FMNL3: variants seen among roughly 807,000 people sequenced by gnomAD.
The protein encoded by FMNL3 is formin like 3.
A neutral mutation model predicts 119.6 loss-of-function variants in FMNL3; 57 were observed. The observed-to-expected ratio is 0.48, with a 90% CI of 0.39 to 0.59. The LOEUF is 0.59. Ranked by LOEUF, FMNL3 falls within the 20% of genes least tolerant of loss-of-function variation. The probability of loss-of-function intolerance (pLI) is 0.00; values close to 1 mark genes in which losing one functional copy is unlikely to be tolerated. For synonymous variants in FMNL3, 491 were observed against 507.3 expected, an observed-to-expected ratio of 0.97 and a Z score of 0.43; for missense variants, 1,053 against 1,323.5, an observed-to-expected ratio of 0.80 and a Z score of 3.17.
chr12:49,667,301 G>T (rs1555220637), intron 2 of FMNL3, among the ~76,000 whole-genome samples: 1 of 152,130 alleles, frequency 6.6e-6, no homozygotes, highest in Non-Finnish European at 1.5e-5. Context: ...AGAAACAGCT[G>T]AAATTATCTG....
chr12:49,670,829 C>G (rs1405022430), intron 1 of FMNL3, among the ~76,000 whole-genome samples: 4 of 152,190 alleles, frequency 2.6e-5, no homozygotes, highest in African/African-American at 9.7e-5. Flanking sequence ...AGCAAGAGGC[C>G]TCAACAAAAC....
At chr12:49,686,185 G>A (rs1944453019) in intron 1 of FMNL3, among the ~76,000 whole-genome samples, 1 of 151,872 alleles carries the variant, frequency 6.6e-6, no homozygotes, top group Admixed American at 6.5e-5. Context: ...ATAGCGTACT[G>A]CAGCCTCAAT....
intron 1 of FMNL3, among the ~76,000 whole-genome samples, chr12:49,675,410 A>G (rs1340453918): frequency 6.6e-6 from 1 of 152,218 alleles, no homozygotes; most frequent in African/African-American, 2.4e-5. Context: ...GTCTTGGGGC[A>G]GAGCCTCGCA....
rs1428755026 is a variant in FMNL3, at chr12:49,640,207, T to A, written c.*5608A>T. 1.3e-5 allele frequency: 2 copies of A among 152,200 alleles called. No individual in the cohort carries two copies. Among genetic ancestry groups the A allele is most frequent in the East Asian group, 3.8e-4 (2 of 5,200 alleles). The allele number at this position is 152,200 out of a possible 1,614,324, so 9.4% of individuals were successfully genotyped here. On this transcript the variant is annotated 3_prime_UTR_variant, in exon 26 of 26. Transcript: ENST00000335154. ...CCTGGACTTAGAACAGGCAGACAGATCCGGGTCAGGGAGATCCATGGAGGA... is the reference window on the plus strand; with the variant it reads ...CCTGGACTTAGAACAGGCAGACAGAACCGGGTCAGGGAGATCCATGGAGGA...
chr12:49,653,261 G>C lies in FMNL3; in HGVS notation c.1288C>G (p.Leu430Val), dbSNP rs1232607897. 1 of 1,614,130 alleles carries C rather than the reference G, an allele frequency of 6.2e-7. No homozygotes were observed. Among genetic ancestry groups the C allele is most frequent in the Admixed American group, 1.7e-5 (1 of 60,022 alleles). ...TCTAGTTCCTTCTCCCGCTGTAGCAGCTGCTTCTCTAGTTCTGCCACCCGC... is the reference window on the plus strand; with the variant it reads ...TCTAGTTCCTTCTCCCGCTGTAGCACCTGCTTCTCTAGTTCTGCCACCCGC... ...MMRVAELEKQLLQREKELESI... is the reference protein window; with the variant it reads ...MMRVAELEKQVLQREKELESI... The change falls in exon 13 of 26, where the codon CTG becomes GTG. Residue 430 changes from leucine to valine, a missense_variant. By Grantham distance (32) the Leu-to-Val change is conservative (BLOSUM62 1). This residue lies in a region of FMNL3 where 445 missense variants were observed against 628.4 expected (regional missense o/e 0.71). Transcript: ENST00000335154.
In FMNL3 at chr12:49,636,728, A is replaced by C; in HGVS notation, c.*9087T>G. The C allele has an allele frequency of 6.2e-7, 1 of 1,614,184 alleles. No individual in the cohort carries two copies. The highest frequency in any genetic ancestry group is 8.5e-7 in the Non-Finnish European group (1 of 1,180,034). ...TGCCTGTCTTTAGACATGGACAAGG[A>C]AGATGCACTGATCTGTTTTGAGGAG... On this transcript the variant is annotated 3_prime_UTR_variant, in exon 26 of 26. Coordinates refer to ENST00000335154, the MANE Select transcript of FMNL3 (RefSeq NM_175736.5).
At position 49,645,042 on chromosome 12, in the gene FMNL3, G is replaced by A. The variant is rs893756831; in HGVS notation, c.*773C>T. 5 of 149,966 alleles carry A rather than the reference G, an allele frequency of 3.3e-5. No individual in the cohort carries two copies. Among genetic ancestry groups the A allele is most frequent in the Non-Finnish European group, 5.9e-5 (4 of 67,828 alleles). The allele number at this position is 149,966 out of a possible 1,614,324, so 9.3% of individuals were successfully genotyped here. ...AGTGGGCCCCCACATTCCCTTCCAG[G>A]GGCAGAGGAGAAACGGGAAGGTAAG... On this transcript the variant is annotated 3_prime_UTR_variant, in exon 26 of 26. Transcript: ENST00000335154.
intron 2 of FMNL3, 98 bp downstream of exon 2, chr12:49,668,373 C>T: frequency 1.8e-6 from 2 of 1,130,118 alleles, no homozygotes; most frequent in Non-Finnish European, 2.6e-6. Flanking sequence ...CAGGGTTCCT[C>T]AAGGAACCCA....
chr12:49,656,921 G>T (rs1392037827), intron 7 of FMNL3, 22 bp from the exon 8 acceptor site: 2 of 1,607,272 alleles, frequency 1.2e-6, no homozygotes, highest in South Asian at 2.2e-5. Context: ...AGGACAGAAG[G>T]AGGGGACCTT....
intron 1 of FMNL3, among the ~76,000 whole-genome samples, chr12:49,672,897 T>C (rs572509089): frequency 6.6e-6 from 1 of 152,196 alleles, no homozygotes; most frequent in East Asian, 1.9e-4. Flanking sequence ...TGTTGGTCCC[T>C]ATCATGATAA....
At chr12:49,679,890 G>T (rs2138940218) in intron 1 of FMNL3, among the ~76,000 whole-genome samples, 1 of 152,276 alleles carries the variant, frequency 6.6e-6, no homozygotes, top group South Asian at 2.1e-4. Flanking sequence ...GATAACTCTT[G>T]TATTTACAAA....
In FMNL3 at chr12:49,670,856, C is replaced by T. The variant is rs535898461; in HGVS notation, c.127-2302G>A. 3.3e-5 allele frequency among the ~76,000 whole-genome samples: 5 copies of T among 152,344 alleles called. No individual in the cohort carries two copies. In the South Asian group the frequency reaches 1.0e-3, roughly 32 times the overall value. On this transcript the variant is annotated intron_variant, in intron 1 of 25. Coordinates refer to ENST00000335154, the MANE Select transcript of FMNL3 (RefSeq NM_175736.5). Reference sequence around the variant, plus strand: ...CAACAAAACAAGGACTCAAGGTCAACCCAGAGTAGATCTCCTAACTCAGCC... The same window carrying T: ...CAACAAAACAAGGACTCAAGGTCAATCCAGAGTAGATCTCCTAACTCAGCC...
rs1943060402 is a variant in FMNL3, at chr12:49,644,369, C to T, written c.*1446G>A. The T allele has an allele frequency of 2.8e-6, 2 of 705,312 alleles. No individual in the cohort carries two copies. 43.7% of individuals were successfully genotyped at this position (705,312 alleles called of 1,614,324 possible). A position where few individuals can be genotyped will look rare whatever the true frequency, so the allele number is the denominator to read the frequency against. ...AGGTTGCTCTTGGTGTTCAAGGGTC[C>T]CCTACTCCCTGGACTAGTGCAGTCC... On this transcript the variant is annotated 3_prime_UTR_variant, in exon 26 of 26. Transcript: ENST00000335154.
At chr12:49,686,450 C>T (rs1339668627) in intron 1 of FMNL3, among the ~76,000 whole-genome samples, 4 of 151,658 alleles carry the variant, frequency 2.6e-5, no homozygotes, top group African/African-American at 2.4e-5. Flanking sequence ...TGGTGGCGGG[C>T]GCCTGTAGTC....
chr12:49,706,186 C>A (rs1182388976), intron 1 of FMNL3, among the ~76,000 whole-genome samples: 1 of 152,172 alleles, frequency 6.6e-6, no homozygotes, highest in South Asian at 2.1e-4. Context: ...CAGCTCAGAA[C>A]CTCTCGCTTC....
At position 49,642,745 on chromosome 12, in the gene FMNL3, C is replaced by T; in HGVS notation, c.*3070G>A. Reference sequence around the variant, plus strand: ...CATTAGACCAGTTCAACAGAGACCTCAGTGGCCTCCCTCTTACCCTTAGGG... The same window carrying T: ...CATTAGACCAGTTCAACAGAGACCTTAGTGGCCTCCCTCTTACCCTTAGGG... On this transcript the variant is annotated 3_prime_UTR_variant, in exon 26 of 26. Coordinates refer to ENST00000335154, the MANE Select transcript of FMNL3 (RefSeq NM_175736.5). This position sits in a 1 kb window ranked among gnomAD's most constrained non-coding sequence, Gnocchi z 5.8. 6.6e-7 allele frequency: 1 copy of T among 1,525,112 alleles called. No homozygotes were observed. Among genetic ancestry groups the T allele is most frequent in the Middle Eastern group, 1.7e-4 (1 of 5,908 alleles). The allele number at this position is 1,525,112 out of a possible 1,614,324, so 94.5% of individuals were successfully genotyped here. A position where few individuals can be genotyped will look rare whatever the true frequency, so the allele number is the denominator to read the frequency against.
intron 10 of FMNL3, 125 bp from the exon 11 acceptor site, chr12:49,654,427 G>GTTAAGT: frequency 1.5e-6 from 1 of 688,130 alleles, no homozygotes; most frequent in South Asian, 1.8e-5. Flanking sequence ...CAATTAAAGA[G>GTTAAGT]TTAAGTCTTT....
At chr12:49,683,056 T>A (rs1944376042) in intron 1 of FMNL3, among the ~76,000 whole-genome samples, 1 of 152,214 alleles carries the variant, frequency 6.6e-6, no homozygotes, top group Non-Finnish European at 1.5e-5. Context: ...GGTCCACTTC[T>A]GCCACAAATC....
chr12:49,648,385 T>A, intron 21 of FMNL3, 32 bp from the exon 22 acceptor site: 3 of 1,594,150 alleles, frequency 1.9e-6, no homozygotes, highest in Non-Finnish European at 2.6e-6. Flanking sequence ...GAGGAATGCC[T>A]AGGGCCTGGC....
Sources: gnomAD v4.1 joint callset for allele counts (sites outside exome capture counted in the v4.1 genomes callset) on GRCh38, gnomAD v4.1.1 for gene constraint, gnomAD v4.1.1 regional missense constraint, Gnocchi (gnomAD v3.1) non-coding constraint, MANE v1.5 for transcripts, NCBI Gene and HGNC (gene_info 2026-07-23, HGNC 2026-07-21) for gene names.